CEP128: variants seen among roughly 807,000 people sequenced by gnomAD.
The protein encoded by CEP128 is centrosomal protein 128kDa.
CEP128 carries 132 observed loss-of-function variants against 156.7 expected under a neutral mutation model. The observed-to-expected ratio is 0.84, with a 90% CI of 0.73 to 0.97. The LOEUF (loss-of-function observed/expected upper bound fraction) is 0.97. Among genes scored for constraint, CEP128 ranks in the 50% least tolerant of loss-of-function variants. The pLI, the probability that CEP128 is intolerant of heterozygous loss-of-function variation, is 0.00. For missense variants in CEP128, 1,252 were observed against 1,281.9 expected, an observed-to-expected ratio of 0.98 and a Z score of 0.36; for synonymous variants, 469 against 448.9, an observed-to-expected ratio of 1.04 and a Z score of -0.57.
chr14:80,494,156 T>G (rs1184880222), downstream of CEP128, among the ~76,000 whole-genome samples: 1 of 152,236 alleles, frequency 6.6e-6, no homozygotes, highest in Non-Finnish European at 1.5e-5. Context: ...GGAACTATTT[T>G]CATATCAAAT....
intron 19 of CEP128, among the ~76,000 whole-genome samples, chr14:80,625,927 C>A (rs1893700667): frequency 6.6e-6 from 1 of 151,216 alleles, no homozygotes; most frequent in Non-Finnish European, 1.5e-5. Context: ...CAGATTAGTT[C>A]TCTCATTCAT....
At chr14:80,582,395 G>A (rs113360147) in intron 19 of CEP128, among the ~76,000 whole-genome samples, 1 of 152,118 alleles carries the variant, frequency 6.6e-6, no homozygotes, top group Non-Finnish European at 1.5e-5. Context: ...TAGATGCACT[G>A]GAAAAGAGGA....
At chr14:80,855,671 A>G (rs1887116966) in intron 9 of CEP128, among the ~76,000 whole-genome samples, 1 of 152,180 alleles carries the variant, frequency 6.6e-6, no homozygotes, top group South Asian at 2.1e-4. Flanking sequence ...AGGCGAGTCC[A>G]AGATCTGCCA....
intron 19 of CEP128, among the ~76,000 whole-genome samples, chr14:80,670,578 A>G (rs1895798533): frequency 6.6e-6 from 1 of 152,170 alleles, no homozygotes; most frequent in East Asian, 1.9e-4. Flanking sequence ...GAGCTAAATA[A>G]TGTGTACACA....
chr14:80,849,546 C>T (rs1396298411), intron 9 of CEP128, among the ~76,000 whole-genome samples: 1 of 152,134 alleles, frequency 6.6e-6, no homozygotes, highest in Non-Finnish European at 1.5e-5. Context: ...TATCCTAATA[C>T]TTGACCACAG....
chr14:80,703,328 C>T (rs1050937426), intron 19 of CEP128, among the ~76,000 whole-genome samples: 14 of 152,050 alleles, frequency 9.2e-5, no homozygotes, highest in Non-Finnish European at 1.5e-4. Context: ...CATCAGACTG[C>T]ATTATCTTTA....
chr14:80,569,482 C>T (rs1891049344), intron 20 of CEP128, among the ~76,000 whole-genome samples: 1 of 152,168 alleles, frequency 6.6e-6, no homozygotes, highest in Admixed American at 6.5e-5. Context: ...GTAATGACAG[C>T]TACTCACAAC....
At chr14:80,586,458 T>C (rs898677146) in intron 19 of CEP128, among the ~76,000 whole-genome samples, 2 of 152,242 alleles carry the variant, frequency 1.3e-5, no homozygotes, top group African/African-American at 2.4e-5. Context: ...GGCTTTTGAA[T>C]TGGACCAGGG....
At position 80,914,310 on chromosome 14, in the gene CEP128, G is replaced by A; in HGVS notation, c.234+12C>T. The A allele has an allele frequency of 2.5e-6, 4 of 1,599,524 alleles. No homozygotes were observed. Among genetic ancestry groups the A allele is most frequent in the Non-Finnish European group, 3.4e-6 (4 of 1,167,848 alleles). On this transcript the variant is annotated intron_variant, in intron 4 of 24. Coordinates refer to ENST00000555265, the MANE Select transcript of CEP128 (RefSeq NM_152446.5). Reference sequence around the variant, plus strand: ...TGGGTAGGAGAAAATGCAAACAAATGTAGTTTCTCACATGTTCTATCGCAC... The same window carrying A: ...TGGGTAGGAGAAAATGCAAACAAATATAGTTTCTCACATGTTCTATCGCAC...
At chr14:80,523,299 T>G (rs932110085) in intron 23 of CEP128, among the ~76,000 whole-genome samples, 3 of 152,210 alleles carry the variant, frequency 2.0e-5, no homozygotes, top group Non-Finnish European at 2.9e-5. Flanking sequence ...TGGATAAATG[T>G]TTTCTTGTGC....
At chr14:80,882,017 A>C (rs1021188396) in intron 8 of CEP128, among the ~76,000 whole-genome samples, 6 of 152,150 alleles carry the variant, frequency 3.9e-5, no homozygotes. Flanking sequence ...TAGCTAGAAT[A>C]ATAAGACAAG....
intron 19 of CEP128, among the ~76,000 whole-genome samples, chr14:80,608,497 C>T (rs1176020839): frequency 6.6e-6 from 1 of 152,170 alleles, no homozygotes; most frequent in Non-Finnish European, 1.5e-5. Context: ...CAATCATTTC[C>T]CATTGCTTTT....
At chr14:80,666,601 C>CA (rs1895623557) in intron 19 of CEP128, among the ~76,000 whole-genome samples, 2 of 151,824 alleles carry the variant, frequency 1.3e-5, no homozygotes, top group African/African-American at 4.8e-5. Flanking sequence ...ATTGATTCTA[C>CA]AGATGTCTGT....
At chr14:80,851,965 C>G (rs1886913145) in intron 9 of CEP128, among the ~76,000 whole-genome samples, 1 of 151,892 alleles carries the variant, frequency 6.6e-6, no homozygotes, top group South Asian at 2.1e-4. Flanking sequence ...AAAACTGACA[C>G]AAATCACACG....
At chr14:80,843,973 T>C (rs914677399) in intron 9 of CEP128, among the ~76,000 whole-genome samples, 1 of 152,034 alleles carries the variant, frequency 6.6e-6, no homozygotes, top group Non-Finnish European at 1.5e-5. Flanking sequence ...CAGGATTTTA[T>C]TGCTCAGAAC....
chr14:80,813,879 T>A (rs534118179), intron 13 of CEP128, among the ~76,000 whole-genome samples: 9 of 152,304 alleles, frequency 5.9e-5, no homozygotes, highest in Admixed American at 1.3e-4. Flanking sequence ...TGAGAAAAAA[T>A]TTTTATATAC....
chr14:80,624,899 T>C (rs1177947876), intron 19 of CEP128, among the ~76,000 whole-genome samples: 1 of 152,212 alleles, frequency 6.6e-6, no homozygotes, highest in African/African-American at 2.4e-5. Flanking sequence ...TTTCCTTTGC[T>C]ATGCAGAAAA....
intron 19 of CEP128, among the ~76,000 whole-genome samples, chr14:80,679,228 G>A (rs765450732): frequency 9.2e-5 from 14 of 152,174 alleles, no homozygotes; most frequent in African/African-American, 1.7e-4. Flanking sequence ...GAATAACAGC[G>A]ATTTTAGGGA....
chr14:80,915,990 G>A (rs1480020907), intron 3 of CEP128, among the ~76,000 whole-genome samples: 1 of 152,150 alleles, frequency 6.6e-6, no homozygotes, highest in Non-Finnish European at 1.5e-5. Context: ...TGGATTATTG[G>A]GTGGACCCAA....
Sources: allele counts gnomAD v4.1 joint callset (sites outside exome capture counted in the v4.1 genomes callset), GRCh38; gene constraint gnomAD v4.1.1; transcripts MANE v1.5; gene names NCBI Gene and HGNC (gene_info 2026-07-23, HGNC 2026-07-21).